The following KCNIP4 variants were observed in gnomAD, a reference collection of about 807,000 sequenced individuals.
KCNIP4 encodes the protein Kv channel-interacting protein 4.
In KCNIP4, 12 loss-of-function variants were observed where a neutral mutation model predicts 34.0. The observed-to-expected ratio is 0.35, with a 90% CI of 0.23 to 0.57. The LOEUF (loss-of-function observed/expected upper bound fraction) is 0.57, where lower values mean the gene tolerates loss of function less well. KCNIP4 is among the 20% of genes least tolerant of loss of function. KCNIP4 has a pLI of 0.83. For missense variants in KCNIP4, 238 were observed against 311.7 expected (o/e 0.76, Z 1.78); for synonymous variants, 124 against 102.2 (o/e 1.21, Z -1.29).
intron 1 of KCNIP4, among the ~76,000 whole-genome samples, chr4:21,140,724 G>A (rs934712898): frequency 2.0e-5 from 3 of 151,998 alleles, no homozygotes; most frequent in African/African-American, 4.8e-5. Context: ...TTCTGAATTT[G>A]CCCTGACAAA....
At chr4:21,858,284 T>A (rs1724874965) in intron 1 of KCNIP4, among the ~76,000 whole-genome samples, 1 of 152,216 alleles carries the variant, frequency 6.6e-6, no homozygotes, top group Admixed American at 6.5e-5. Flanking sequence ...TCTCATAACA[T>A]TATCAAGTTT....
At chr4:21,363,502 G>A (rs1719432565) in intron 1 of KCNIP4, among the ~76,000 whole-genome samples, 1 of 152,092 alleles carries the variant, frequency 6.6e-6, no homozygotes, top group Non-Finnish European at 1.5e-5. Flanking sequence ...AAATCACCAG[G>A]TGCTTTCATC....
intron 1 of KCNIP4, among the ~76,000 whole-genome samples, chr4:21,662,588 T>C (rs1577786254): frequency 6.6e-6 from 1 of 152,376 alleles, no homozygotes; most frequent in South Asian, 2.1e-4. Context: ...AGGCCTCCTA[T>C]GTAACATTAT....
chr4:21,475,975 T>C (rs1198904269), intron 1 of KCNIP4, among the ~76,000 whole-genome samples: 1 of 152,176 alleles, frequency 6.6e-6, no homozygotes, highest in Non-Finnish European at 1.5e-5. Context: ...CAGTGCCTTC[T>C]CACAGACTAG....
At chr4:21,483,794 A>G (rs1270421522) in intron 1 of KCNIP4, among the ~76,000 whole-genome samples, 6 of 14,518 alleles carry the variant, frequency 4.1e-4, no homozygotes, top group African/African-American at 2.4e-3. Flanking sequence ...CATCTCAAAA[A>G]TAAAAATAAA....
intron 1 of KCNIP4, among the ~76,000 whole-genome samples, chr4:21,129,450 C>T (rs999446386): frequency 1.3e-5 from 2 of 152,180 alleles, no homozygotes; most frequent in African/African-American, 4.8e-5. Context: ...AGGATCACCC[C>T]ACTGGGAATT....
chr4:21,551,740 G>C (rs1738601254), intron 1 of KCNIP4, among the ~76,000 whole-genome samples: 1 of 152,044 alleles, frequency 6.6e-6, no homozygotes, highest in Admixed American at 6.6e-5. Flanking sequence ...TGGATCTTTA[G>C]ACCTTAGTTC....
chr4:21,468,303 T>TGA (rs1273660874), intron 1 of KCNIP4, among the ~76,000 whole-genome samples: 52 of 151,970 alleles, frequency 3.4e-4, no homozygotes, highest in African/African-American at 1.2e-3. Flanking sequence ...AGACCTGAGA[T>TGA]CAGGCCCTTG....
At chr4:21,518,848 A>G (rs1221407425) in intron 1 of KCNIP4, among the ~76,000 whole-genome samples, 1 of 152,124 alleles carries the variant, frequency 6.6e-6, no homozygotes, top group Admixed American at 6.6e-5. Flanking sequence ...CTGGAGCCCA[A>G]CAGGAGAGAG....
chr4:21,239,163 G>T (rs898811560), intron 1 of KCNIP4, among the ~76,000 whole-genome samples: 1 of 151,578 alleles, frequency 6.6e-6, no homozygotes, highest in African/African-American at 2.4e-5. Context: ...GGGAAAACTG[G>T]CTAGCCATAG....
rs11310974 is a variant in KCNIP4, at chr4:21,614,144, CAA to C, written c.61+334425_61+334426del. Among the ~76,000 whole-genome samples the C allele has an allele frequency of 1.7e-3, 228 of 137,178 alleles. 1 individual carries two copies. The highest frequency in any genetic ancestry group is 3.8e-3 in the Middle Eastern group (1 of 266). The allele number at this position is 137,178 out of a possible 152,430, so 90.0% of individuals were successfully genotyped here. On this transcript the variant is annotated intron_variant, in intron 1 of 8. Transcript: ENST00000382152. ...TGGGTGAGAAAGCGAGACTCTATCTCAAAAAAAAAAAAAAAATTCTTCTGGTC... is the reference window on the plus strand; with the variant it reads ...TGGGTGAGAAAGCGAGACTCTATCTCAAAAAAAAAAAAAATTCTTCTGGTC...
chr4:20,978,510 T>C (rs1299785240), intron 1 of KCNIP4, among the ~76,000 whole-genome samples: 2 of 152,222 alleles, frequency 1.3e-5, no homozygotes, highest in African/African-American at 4.8e-5. Context: ...CTACATTTTA[T>C]CGTTGTTCCA....
intron 1 of KCNIP4, among the ~76,000 whole-genome samples, chr4:20,963,023 A>G (rs1169820562): frequency 6.6e-6 from 1 of 152,246 alleles, no homozygotes; most frequent in East Asian, 1.9e-4. Flanking sequence ...TTGAAATGGG[A>G]GCATGATTTC....
At chr4:21,342,261 C>G (rs1043635736) in intron 1 of KCNIP4, among the ~76,000 whole-genome samples, 2 of 151,988 alleles carry the variant, frequency 1.3e-5, no homozygotes, top group African/African-American at 4.8e-5. Context: ...ACATCCATCT[C>G]AAGGGTAAGG....
chr4:21,234,019 T>C (rs1303493321), intron 1 of KCNIP4, among the ~76,000 whole-genome samples: 10 of 109,726 alleles, frequency 9.1e-5, no homozygotes, highest in Non-Finnish European at 1.5e-4. Flanking sequence ...ATATATAACA[T>C]ATATTATATA....
intron 1 of KCNIP4, among the ~76,000 whole-genome samples, chr4:21,590,954 T>A (rs573614478): frequency 6.6e-6 from 1 of 152,132 alleles, no homozygotes; most frequent in South Asian, 2.1e-4. Flanking sequence ...CCACTACGTC[T>A]ATGTATTAAT....
chr4:21,734,562 G>A (rs1359182187), intron 1 of KCNIP4, among the ~76,000 whole-genome samples: 1 of 152,134 alleles, frequency 6.6e-6, no homozygotes, highest in Non-Finnish European at 1.5e-5. Context: ...AATAATTTGA[G>A]TCACTATGTT....
At chr4:21,267,991 G>T (rs949901473) in intron 1 of KCNIP4, among the ~76,000 whole-genome samples, 2 of 151,904 alleles carry the variant, frequency 1.3e-5, no homozygotes, top group African/African-American at 4.8e-5. Flanking sequence ...GACTCTTTTT[G>T]GTTGGTATGC....
In KCNIP4 at chr4:21,806,297, T is replaced by A. The variant is rs114250099; in HGVS notation, c.61+142274A>T. Among the ~76,000 whole-genome samples the A allele has an allele frequency of 7.8e-3, 1,193 of 152,288 alleles. 16 individuals carry two copies. Among genetic ancestry groups the A allele is most frequent in the African/African-American group, 0.027 (1,128 of 41,544 alleles). ...ACAATATAGCACCCCATATAGTATTTAGTTACTACTTGCCTGAAAAGAAGA... is the reference window on the plus strand; with the variant it reads ...ACAATATAGCACCCCATATAGTATTAAGTTACTACTTGCCTGAAAAGAAGA... On this transcript the variant is annotated intron_variant, in intron 1 of 8. Coordinates refer to ENST00000382152, the MANE Select transcript of KCNIP4 (RefSeq NM_025221.6).
Sources: gnomAD v4.1 joint callset for allele counts (sites outside exome capture counted in the v4.1 genomes callset) on GRCh38, gnomAD v4.1.1 for gene constraint, MANE v1.5 for transcripts, NCBI Gene and HGNC (gene_info 2026-07-23, HGNC 2026-07-21) for gene names.